LYRM4: variants seen among roughly 807,000 people sequenced by gnomAD.
The protein encoded by LYRM4 is LYR motif containing 4, also known as LYR motif-containing protein 4.
LYRM4 carries 9 observed loss-of-function variants against 11.7 expected under a neutral mutation model. That is an observed-to-expected ratio of 0.77 (90% CI 0.46 to 1.34). The LOEUF is 1.34. Ranked by LOEUF, LYRM4 falls within the 40% of genes most tolerant of loss-of-function variation. LYRM4 has a pLI of 0.00. For missense variants in LYRM4, 133 were observed against 112.5 expected (o/e 1.18, Z -0.82); for synonymous variants, 42 against 40.4 (o/e 1.04, Z -0.15).
chr6:5,138,854 G>C, intron 2 of LYRM4: 1 of 712,890 alleles, frequency 1.4e-6, no homozygotes, highest in East Asian at 2.8e-5. Context: ...CAGGTTAAAA[G>C]CTAGAAATGA....
intron 1 of LYRM4, among the ~76,000 whole-genome samples, chr6:5,254,613 C>T (rs973045245): frequency 6.6e-6 from 1 of 152,148 alleles, no homozygotes; most frequent in South Asian, 2.1e-4. Flanking sequence ...GATATGTGCC[C>T]TAACAAAGGT....
the LYRM4 span, among the ~76,000 whole-genome samples, chr6:5,063,952 G>A: frequency 2.0e-5 from 3 of 152,354 alleles, no homozygotes; most frequent in South Asian, 4.1e-4. Context: ...CCAGGCCAGG[G>A]GCAGTGGCTC....
intron 2 of LYRM4, among the ~76,000 whole-genome samples, chr6:5,201,880 C>T (rs942289322): frequency 2.0e-5 from 3 of 152,208 alleles, no homozygotes; most frequent in Non-Finnish European, 4.4e-5. Context: ...CAGCTCAAAT[C>T]CTGGCATCAA....
At chr6:5,219,580 T>C (rs766204706) in intron 1 of LYRM4, among the ~76,000 whole-genome samples, 6 of 152,218 alleles carry the variant, frequency 3.9e-5, no homozygotes, top group Non-Finnish European at 7.3e-5. Flanking sequence ...TTGTAAGAAT[T>C]CTTATTTCGA....
intron 2 of LYRM4, among the ~76,000 whole-genome samples, chr6:5,179,136 GTTTTTA>G (rs1475727965): frequency 6.7e-6 from 1 of 149,632 alleles, no homozygotes; most frequent in African/African-American, 2.5e-5. Context: ...TCAGGGCTAA[GTTTTTA>G]TTTTTATTTT....
chr6:5,096,107 A>G, the LYRM4 span, among the ~76,000 whole-genome samples: 1 of 152,224 alleles, frequency 6.6e-6, no homozygotes, highest in African/African-American at 2.4e-5. Context: ...CGTGAAGGGG[A>G]TATGGGATCT....
At chr6:5,136,004 A>G (rs771098488) in intron 2 of LYRM4, among the ~76,000 whole-genome samples, 29 of 152,116 alleles carry the variant, frequency 1.9e-4, no homozygotes, top group Non-Finnish European at 5.9e-5. Flanking sequence ...ATCATACAGC[A>G]TTTGTTTCTT....
At chr6:5,063,154 T>C in the LYRM4 span, among the ~76,000 whole-genome samples, 2 of 152,136 alleles carry the variant, frequency 1.3e-5, no homozygotes, top group Non-Finnish European at 2.9e-5. Flanking sequence ...GGATTTTTTT[T>C]GAATGGGGCA....
intron 2 of LYRM4, among the ~76,000 whole-genome samples, chr6:5,127,279 TTCA>T (rs1336316018): frequency 6.6e-6 from 1 of 152,034 alleles, no homozygotes; most frequent in African/African-American, 2.4e-5. Flanking sequence ...GAGACAGGGT[TTCA>T]TCATGTTACC....
intron 2 of LYRM4, among the ~76,000 whole-genome samples, chr6:5,167,536 A>G (rs1759158270): frequency 6.6e-6 from 1 of 152,196 alleles, no homozygotes. Flanking sequence ...TTTTATATCC[A>G]TAATAGCACT....
chr6:5,171,287 C>T (rs975964274), intron 2 of LYRM4, among the ~76,000 whole-genome samples: 6 of 152,316 alleles, frequency 3.9e-5, no homozygotes, highest in African/African-American at 1.4e-4. Flanking sequence ...ACATCCCTCT[C>T]CAGCTCCTAC....
chr6:5,104,766 C>G (rs1381932565), downstream of LYRM4: 1 of 152,160 alleles, frequency 6.6e-6, no homozygotes, highest in African/African-American at 2.4e-5. Context: ...CAGCCAGAGC[C>G]CCTTCTTAGT....
chr6:5,051,239 A>C, the LYRM4 span, among the ~76,000 whole-genome samples: 1 of 152,218 alleles, frequency 6.6e-6, no homozygotes. Flanking sequence ...GAAGACAAAG[A>C]AAAAGGGGCA....
Position 5,230,630 on chromosome 6 carries a change from C to G in LYRM4, c.87-13892G>C, listed in dbSNP as rs115545154. ...TGGAGAATAACTACCTATGGTAGAT[C>G]AATTAATTCTAGATTTTCCACTTTA... is the stretch of plus-strand genomic sequence containing the variant. On this transcript the variant is annotated intron_variant, in intron 1 of 2. Coordinates refer to ENST00000330636, the MANE Select transcript of LYRM4 (RefSeq NM_020408.6). Among the ~76,000 whole-genome samples the G allele has an allele frequency of 6.0e-3, 916 of 152,256 alleles. 10 individuals are homozygous for G. Among genetic ancestry groups the G allele is most frequent in the South Asian group, 0.044 (210 of 4,824 alleles).
At chr6:5,227,927 G>T (rs1762987764) in intron 1 of LYRM4, among the ~76,000 whole-genome samples, 1 of 152,140 alleles carries the variant, frequency 6.6e-6, no homozygotes, top group African/African-American at 2.4e-5. Context: ...AGTGGGAGCT[G>T]AACAATGAGA....
At chr6:5,257,786 A>G (rs934580672) in intron 1 of LYRM4, among the ~76,000 whole-genome samples, 1 of 152,198 alleles carries the variant, frequency 6.6e-6, no homozygotes, top group African/African-American at 2.4e-5. Context: ...GACCCGGTCC[A>G]TGGAAAAACT....
At chr6:5,210,428 A>G (rs1299491488) in intron 2 of LYRM4, among the ~76,000 whole-genome samples, 3 of 152,136 alleles carry the variant, frequency 2.0e-5, no homozygotes, top group African/African-American at 7.2e-5. Context: ...AAATACCAGC[A>G]TCTGAAGAAT....
At chr6:5,239,385 G>A (rs908939110) in intron 1 of LYRM4, among the ~76,000 whole-genome samples, 3 of 152,128 alleles carry the variant, frequency 2.0e-5, no homozygotes, top group African/African-American at 7.2e-5. Context: ...GTTTAGATAC[G>A]AGGTGTTGGT....
chr6:5,138,807 G>C (rs1757252798), intron 2 of LYRM4: 1 of 1,227,468 alleles, frequency 8.1e-7, no homozygotes. Flanking sequence ...AGTTCTTTGG[G>C]ATTTCAAACA....
Sources: gnomAD v4.1 joint callset for allele counts (sites outside exome capture counted in the v4.1 genomes callset) on GRCh38, gnomAD v4.1.1 for gene constraint, MANE v1.5 for transcripts, NCBI Gene and HGNC (gene_info 2026-07-23, HGNC 2026-07-21) for gene names.